Variants in HTR2C observed in about 807,000 individuals in gnomAD.
HTR2C encodes 5-hydroxytryptamine receptor 2C.
Under a neutral mutation model 21.0 loss-of-function variants are expected in HTR2C, and 5 were observed. That is an observed-to-expected ratio of 0.24 (90% confidence interval 0.12 to 0.50). The LOEUF (loss-of-function observed/expected upper bound fraction) is 0.50, where lower values mean the gene tolerates loss of function less well. Among genes scored for constraint, HTR2C ranks in the 20% least tolerant of loss-of-function variants. The pLI, the probability that HTR2C is intolerant of heterozygous loss-of-function variation, is 0.98. For synonymous variants in HTR2C, 150 were observed against 145.3 expected, an observed-to-expected ratio of 1.03 and a Z score of -0.23; for missense variants, 271 against 371.2, an observed-to-expected ratio of 0.73 and a Z score of 2.22.
intron 2 of HTR2C, among the ~76,000 whole-genome samples, chrX:114,700,483 T>C (rs1556416495): frequency 8.9e-6 from 1 of 112,072 alleles, no homozygotes; most frequent in Non-Finnish European, 1.9e-5. Context: ...CCACATCTAC[T>C]TCCCTGATTT....
At chrX:114,821,866 A>C (rs2070635774) in intron 4 of HTR2C, among the ~76,000 whole-genome samples, 1 of 109,285 alleles carries the variant, frequency 9.2e-6, no homozygotes, top group Admixed American at 9.8e-5. Context: ...CAAATTATAA[A>C]GACTAAATAT....
At chrX:114,833,678 G>A (rs2070752037) in intron 4 of HTR2C, among the ~76,000 whole-genome samples, 2 of 109,842 alleles carry the variant, frequency 1.8e-5, no homozygotes, top group Admixed American at 9.7e-5. Context: ...TTTTTTGAAG[G>A]GTTTTTTGTG....
At chrX:114,643,263 A>G (rs1930208616) in intron 2 of HTR2C, among the ~76,000 whole-genome samples, 1 of 110,236 alleles carries the variant, frequency 9.1e-6, no homozygotes, top group Non-Finnish European at 1.9e-5. Flanking sequence ...TTTTTGCACC[A>G]ACATAATATA....
At chrX:114,606,413 G>A (rs1928432645) in intron 1 of HTR2C, among the ~76,000 whole-genome samples, 1 of 111,831 alleles carries the variant, frequency 8.9e-6, no homozygotes, top group Non-Finnish European at 1.9e-5. Flanking sequence ...AAACGTGGGT[G>A]TATAATCAGA....
intron 2 of HTR2C, among the ~76,000 whole-genome samples, chrX:114,638,532 TTTA>T (rs1480131779): frequency 9.1e-6 from 1 of 110,230 alleles, no homozygotes; most frequent in Non-Finnish European, 1.9e-5. Context: ...ATTTTTTTCT[TTTA>T]TTATTATACT....
At chrX:114,728,947 T>C (rs1198978171) in intron 3 of HTR2C, among the ~76,000 whole-genome samples, 2 of 112,326 alleles carry the variant, frequency 1.8e-5, no homozygotes, top group East Asian at 5.6e-4. Context: ...TAAGGATAAA[T>C]GTATTTGTCA....
At chrX:114,677,936 T>C (rs1556412996) in intron 2 of HTR2C, among the ~76,000 whole-genome samples, 1 of 110,851 alleles carries the variant, frequency 9.0e-6, no homozygotes, top group African/African-American at 3.3e-5. Context: ...GCTAAAAGAA[T>C]AGATGTCCTA....
At chrX:114,606,914 G>A (rs1184744511) in intron 1 of HTR2C, among the ~76,000 whole-genome samples, 2 of 109,830 alleles carry the variant, frequency 1.8e-5, no homozygotes, top group Admixed American at 9.6e-5. Flanking sequence ...AGATGAGGGT[G>A]GGGCCGTTTT....
intron 5 of HTR2C, among the ~76,000 whole-genome samples, chrX:114,887,208 C>T (rs1556481786): frequency 1.8e-5 from 2 of 111,576 alleles, no homozygotes; most frequent in Admixed American, 9.5e-5. Flanking sequence ...GGGTAGATGA[C>T]GCTGTAGAGG....
chrX:114,906,124 T>C (rs1038284480), intron 5 of HTR2C, among the ~76,000 whole-genome samples: 1 of 112,318 alleles, frequency 8.9e-6, no homozygotes, highest in Non-Finnish European at 1.9e-5. Context: ...TTACAGGTGG[T>C]ATTTGTCTCA....
At chrX:114,865,697 A>T (rs1028033855) in intron 5 of HTR2C, among the ~76,000 whole-genome samples, 1 of 111,229 alleles carries the variant, frequency 9.0e-6, no homozygotes, top group Non-Finnish European at 1.9e-5. Context: ...TGTCTGGTTG[A>T]TTATTTTTCT....
At chrX:114,855,491 T>C (rs921027712) in intron 5 of HTR2C, among the ~76,000 whole-genome samples, 60 of 110,849 alleles carry the variant, frequency 5.4e-4, no homozygotes, top group South Asian at 1.1e-3. Flanking sequence ...CAGAGATGAA[T>C]AGACATTTTC....
chrX:114,724,360 T>C (rs1556421367), intron 2 of HTR2C, among the ~76,000 whole-genome samples: 2 of 102,820 alleles, frequency 1.9e-5, no homozygotes, highest in African/African-American at 7.0e-5. Flanking sequence ...TCGTTTTCCA[T>C]TTGCCTGGTA....
intron 2 of HTR2C, among the ~76,000 whole-genome samples, chrX:114,653,778 G>T (rs1930677002): frequency 9.0e-6 from 1 of 110,834 alleles, no homozygotes; most frequent in South Asian, 3.8e-4. Flanking sequence ...AATGTTTGCT[G>T]AATAAAGTAA....
chrX:114,755,022 C>T (rs2069797660), intron 4 of HTR2C, among the ~76,000 whole-genome samples: 1 of 111,157 alleles, frequency 9.0e-6, no homozygotes, highest in Non-Finnish European at 1.9e-5. Flanking sequence ...GGTGGATCAC[C>T]TGAGGTCAGG....
chrX:114,760,426 C>G (rs1027337644), intron 4 of HTR2C, among the ~76,000 whole-genome samples: 9 of 111,932 alleles, frequency 8.0e-5, no homozygotes, highest in African/African-American at 2.9e-4. Flanking sequence ...TCTATCTAGA[C>G]ATTATCATAA....
At chrX:114,678,575 A>G (rs1931645026) in intron 2 of HTR2C, among the ~76,000 whole-genome samples, 2 of 111,592 alleles carry the variant, frequency 1.8e-5, no homozygotes, top group African/African-American at 6.5e-5. Flanking sequence ...ATGAGTAATT[A>G]TTTAACATGA....
rs1928731636 is a variant in HTR2C, at chrX:114,611,503, C to T, written c.-146-2312C>T. 4.5e-5 allele frequency among the ~76,000 whole-genome samples: 5 copies of T among 111,685 alleles called. No individual in the cohort carries two copies. The South Asian group carries it at 1.1e-3, about 25-fold the overall frequency. ...TAGAATCATTTTATCTTCCTTTTTC[C>T]CAGGAAATTATTTTTATTTACTATA... On this transcript the variant is annotated intron_variant, in intron 1 of 5. Transcript: ENST00000276198.
chrX:114,747,023 A>T (rs1315451951), intron 4 of HTR2C, among the ~76,000 whole-genome samples: 1 of 110,288 alleles, frequency 9.1e-6, no homozygotes, highest in African/African-American at 3.3e-5. Context: ...AAAAAAAGAA[A>T]ATTAGCCAGG....
Sources: gnomAD v4.1 joint callset for allele counts (sites outside exome capture counted in the v4.1 genomes callset) on GRCh38, gnomAD v4.1.1 for gene constraint, MANE v1.5 for transcripts, NCBI Gene and HGNC (gene_info 2026-07-23, HGNC 2026-07-21) for gene names.